The following ARHGAP24 variants were observed in gnomAD, a reference collection of about 807,000 sequenced individuals.
The protein encoded by ARHGAP24 is rho GTPase-activating protein 24.
In ARHGAP24, 50 loss-of-function variants were observed where a neutral mutation model predicts 76.4. The ratio of observed to expected loss-of-function variants is 0.65; its 90% CI spans 0.52 to 0.83. The LOEUF is 0.83. ARHGAP24 is among the 40% of genes least tolerant of loss of function. ARHGAP24 has a pLI of 0.00. For missense variants in ARHGAP24, 930 were observed against 914.2 expected, an observed-to-expected ratio of 1.02 and a Z score of -0.22; for synonymous variants, 345 against 323.3, an observed-to-expected ratio of 1.07 and a Z score of -0.72.
chr4:85,694,493 G>A (rs1032516050), intron 2 of ARHGAP24, among the ~76,000 whole-genome samples: 1 of 151,986 alleles, frequency 6.6e-6, no homozygotes. Context: ...TTGAATGAAT[G>A]GATAAAACCT....
At chr4:85,909,412 C>A (rs1211065057) in intron 3 of ARHGAP24, among the ~76,000 whole-genome samples, 1 of 152,014 alleles carries the variant, frequency 6.6e-6, no homozygotes, top group African/African-American at 2.4e-5. Context: ...GGCTTTCTTA[C>A]ATTATATTTA....
At chr4:85,762,111 AC>A (rs1373543368) in intron 3 of ARHGAP24, among the ~76,000 whole-genome samples, 1 of 152,174 alleles carries the variant, frequency 6.6e-6, no homozygotes, top group Non-Finnish European at 1.5e-5. Flanking sequence ...TTCTACTTAA[AC>A]TCAGTTCTCC....
chr4:85,797,161 G>GT lies in ARHGAP24; in HGVS notation c.268+75200dup, dbSNP rs71672797. 2.4e-3 allele frequency among the ~76,000 whole-genome samples: 362 copies of GT among 148,498 alleles called. 1 individual carries two copies. Among genetic ancestry groups the GT allele is most frequent in the African/African-American group, 6.2e-3 (250 of 40,202 alleles). ...TGGGAAAGGAAAAAAAATTTTTTTT[G>GT]TTTTTTTTTTTGTTTTTGTTTTTGT... On this transcript the variant is annotated intron_variant, in intron 3 of 9. Coordinates refer to ENST00000395184, the MANE Select transcript of ARHGAP24 (RefSeq NM_001025616.3).
intron 1 of ARHGAP24, among the ~76,000 whole-genome samples, chr4:85,506,425 G>A (rs1724050300): frequency 2.6e-5 from 4 of 152,192 alleles, no homozygotes; most frequent in Middle Eastern, 3.2e-3. Flanking sequence ...TGGCCACTTT[G>A]TTTACCTACT....
At chr4:85,755,006 G>A (rs1013091383) in intron 3 of ARHGAP24, among the ~76,000 whole-genome samples, 1 of 152,178 alleles carries the variant, frequency 6.6e-6, no homozygotes, top group African/African-American at 2.4e-5. Flanking sequence ...CAAGGCCTCA[G>A]TATAGATTGC....
At chr4:85,955,005 T>C (rs1737830640) in intron 5 of ARHGAP24, among the ~76,000 whole-genome samples, 1 of 152,198 alleles carries the variant, frequency 6.6e-6, no homozygotes, top group Non-Finnish European at 1.5e-5. Flanking sequence ...AGTGAAACTC[T>C]GTCTCAAAAA....
intron 5 of ARHGAP24, among the ~76,000 whole-genome samples, chr4:85,955,152 A>G (rs1022906035): frequency 6.6e-6 from 1 of 152,196 alleles, no homozygotes; most frequent in Non-Finnish European, 1.5e-5. Context: ...TCTAAACAGC[A>G]GAACCTGTCC....
intron 3 of ARHGAP24, among the ~76,000 whole-genome samples, chr4:85,740,335 G>T (rs576279395): frequency 6.6e-6 from 1 of 151,482 alleles, no homozygotes; most frequent in East Asian, 2.0e-4. Context: ...CGATTCTCCT[G>T]CCTTAGCCTC....
At chr4:85,998,292 C>T (rs1376612653) in intron 9 of ARHGAP24, among the ~76,000 whole-genome samples, 1 of 152,132 alleles carries the variant, frequency 6.6e-6, no homozygotes, top group African/African-American at 2.4e-5. Flanking sequence ...GTTCATATCT[C>T]CCTGAAGAAT....
chr4:85,766,949 CTA>C (rs1403376663), intron 3 of ARHGAP24, among the ~76,000 whole-genome samples: 2 of 152,072 alleles, frequency 1.3e-5, no homozygotes, highest in Non-Finnish European at 2.9e-5. Flanking sequence ...CGTATTTTTA[CTA>C]TGTCTTTTCA....
intron 3 of ARHGAP24, among the ~76,000 whole-genome samples, chr4:85,835,097 T>C (rs1455793538): frequency 6.6e-6 from 1 of 152,152 alleles, no homozygotes; most frequent in East Asian, 1.9e-4. Context: ...GTTTGAATCA[T>C]GTTTGCTGTC....
intron 3 of ARHGAP24, among the ~76,000 whole-genome samples, chr4:85,920,847 G>A (rs1735679465): frequency 6.6e-6 from 1 of 152,104 alleles, no homozygotes; most frequent in Non-Finnish European, 1.5e-5. Flanking sequence ...AGTCAGAATG[G>A]CTATTATTAA....
intron 5 of ARHGAP24, among the ~76,000 whole-genome samples, chr4:85,954,252 A>C (rs1005272072): frequency 3.3e-5 from 5 of 152,222 alleles, no homozygotes; most frequent in African/African-American, 1.2e-4. Flanking sequence ...TAACTTTATC[A>C]ATAATAACCT....
At chr4:85,910,274 G>C (rs749648580) in intron 3 of ARHGAP24, among the ~76,000 whole-genome samples, 2 of 152,140 alleles carry the variant, frequency 1.3e-5, no homozygotes, top group South Asian at 4.2e-4. Context: ...GCTCCCTGAG[G>C]GACCACGGTT....
At chr4:85,649,793 T>G (rs1266991787) in intron 2 of ARHGAP24, among the ~76,000 whole-genome samples, 2 of 152,184 alleles carry the variant, frequency 1.3e-5, no homozygotes, top group African/African-American at 4.8e-5. Flanking sequence ...ATCCTGGCAC[T>G]GTGTGATGTC....
chr4:85,690,292 C>T (rs896065855), intron 2 of ARHGAP24, among the ~76,000 whole-genome samples: 1 of 151,908 alleles, frequency 6.6e-6, no homozygotes, highest in Non-Finnish European at 1.5e-5. Context: ...TTGTGTCTGC[C>T]AGGTTTTGGT....
intron 3 of ARHGAP24, among the ~76,000 whole-genome samples, chr4:85,914,536 T>C (rs1464116322): frequency 1.3e-5 from 2 of 152,164 alleles, no homozygotes; most frequent in African/African-American, 2.4e-5. Context: ...CAATAGAGGG[T>C]TTATCACCAT....
At chr4:85,569,539 A>G (rs544551569) in intron 1 of ARHGAP24, among the ~76,000 whole-genome samples, 2 of 152,288 alleles carry the variant, frequency 1.3e-5, no homozygotes, top group South Asian at 2.1e-4. Flanking sequence ...TTGCTTATGT[A>G]TAGGTAGTAT....
At chr4:85,709,206 T>C (rs1007498373) in intron 2 of ARHGAP24, among the ~76,000 whole-genome samples, 1 of 152,110 alleles carries the variant, frequency 6.6e-6, no homozygotes, top group Non-Finnish European at 1.5e-5. Context: ...AGTCACATGA[T>C]CTCACCTAGA....
Sources: allele counts gnomAD v4.1 joint callset (sites outside exome capture counted in the v4.1 genomes callset), GRCh38; gene constraint gnomAD v4.1.1; transcripts MANE v1.5; gene names NCBI Gene and HGNC (gene_info 2026-07-23, HGNC 2026-07-21).